TRPM3: variants seen among roughly 807,000 people sequenced by gnomAD.
TRPM3 encodes the protein long transient receptor potential channel 3.
TRPM3 carries 77 observed loss-of-function variants against 181.2 expected under a neutral mutation model. The observed-to-expected ratio is 0.42, with a 90% confidence interval of 0.35 to 0.51. The LOEUF is 0.51. Ranked by LOEUF, TRPM3 falls within the 20% of genes least tolerant of loss-of-function variation. The probability of loss-of-function intolerance (pLI) is 0.01; values close to 1 mark genes in which losing one functional copy is unlikely to be tolerated. For synonymous variants in TRPM3, 745 were observed against 796.4 expected (o/e 0.94, Z 1.09); for missense variants, 1,759 against 2,196.7 (o/e 0.80, Z 3.98).
rs1207118154 is a variant in TRPM3 at position 71,331,962 on chromosome 9, G to GGGA, written c.183+114688_183+114690dup. 4.6e-5 allele frequency among the ~76,000 whole-genome samples: 6 copies of GGGA among 130,516 alleles called. No homozygotes were observed. In the East Asian group the frequency reaches 1.4e-3, roughly 30 times the overall value. 85.6% of individuals were successfully genotyped at this position (130,516 alleles called of 152,430 possible). On this transcript the variant is annotated intron_variant, in intron 1 of 24. Transcript: ENST00000357533. ...AGGAGAAGAAGAGAAAGGTGGAGGAGGGAGGAGGAGGAGAAGGAGGAGGGT... is the reference window on the plus strand; with the variant it reads ...AGGAGAAGAAGAGAAAGGTGGAGGAGGGAGGAGGAGGAGGAGAAGGAGGAGGGT...
intron 1 of TRPM3, among the ~76,000 whole-genome samples, chr9:71,317,192 T>C (rs1421052971): frequency 6.6e-6 from 1 of 152,132 alleles, no homozygotes; most frequent in Non-Finnish European, 1.5e-5. Flanking sequence ...AATGAACACC[T>C]TAAAAAGAGA....
In TRPM3 at chr9:71,228,041, T is replaced by C. The variant is rs137930669; in HGVS notation, c.183+218612A>G. ...ACAAAGACACATCAAAAAAGAAAAC[T>C]ACAGGCCAACATCTTTGATGAACAC... On this transcript the variant is annotated intron_variant, in intron 1 of 24. Transcript: ENST00000357533. Among the ~76,000 whole-genome samples the C allele has an allele frequency of 4.0e-3, 612 of 152,204 alleles. 5 individuals carry two copies. Among genetic ancestry groups the C allele is most frequent in the Non-Finnish European group, 6.5e-3 (444 of 68,000 alleles).
At chr9:70,878,159 G>T (rs2095906785) in intron 1 of TRPM3, among the ~76,000 whole-genome samples, 1 of 151,982 alleles carries the variant, frequency 6.6e-6, no homozygotes, top group Non-Finnish European at 1.5e-5. Flanking sequence ...ATGAAAGCGG[G>T]CATGCATTTT....
intron 1 of TRPM3, among the ~76,000 whole-genome samples, chr9:71,168,953 T>C (rs2076699529): frequency 6.6e-6 from 1 of 152,124 alleles, no homozygotes; most frequent in African/African-American, 2.4e-5. Flanking sequence ...CATTTCCTCA[T>C]AATTAACAAA....
chr9:71,151,622 C>T (rs972687407), intron 1 of TRPM3, among the ~76,000 whole-genome samples: 5 of 152,040 alleles, frequency 3.3e-5, no homozygotes, highest in Non-Finnish European at 5.9e-5. Flanking sequence ...CTATAGAGTA[C>T]TCACCCATTA....
intron 1 of TRPM3, among the ~76,000 whole-genome samples, chr9:71,150,084 C>T (rs939129201): frequency 4.0e-5 from 6 of 151,236 alleles, no homozygotes; most frequent in African/African-American, 1.5e-4. Flanking sequence ...TAAGAAATAA[C>T]TGAAAAAGTT....
intron 1 of TRPM3, among the ~76,000 whole-genome samples, chr9:71,331,716 A>G (rs1217828953): frequency 3.0e-5 from 4 of 133,598 alleles, no homozygotes; most frequent in Non-Finnish European, 6.4e-5. Context: ...GAGAAAAAGG[A>G]GGAGGAAAAG....
intron 1 of TRPM3, among the ~76,000 whole-genome samples, chr9:71,140,269 G>A (rs2134535086): frequency 6.6e-6 from 1 of 152,268 alleles, no homozygotes; most frequent in East Asian, 1.9e-4. Flanking sequence ...TCTGAAAGAA[G>A]AGACTGAAAG....
intron 6 of TRPM3, among the ~76,000 whole-genome samples, chr9:70,787,763 C>CTTTTTTTTTTTTTTTTTTTTTGTTTTTTT (rs2084071076): frequency 1.0e-4 from 7 of 68,558 alleles, no homozygotes; most frequent in South Asian, 1.7e-3. Context: ...TTTTTGGATT[C>CTTTTTTTTTTTTTTTTTTTTTGTTTTTTT]TTTTTTTTTT....
At chr9:70,594,419 C>A (rs1213683863) in intron 21 of TRPM3, among the ~76,000 whole-genome samples, 1 of 152,092 alleles carries the variant, frequency 6.6e-6, no homozygotes, top group South Asian at 2.1e-4. Context: ...ATATGAAAAC[C>A]TATTTCCGAG....
At chr9:70,573,428 C>G (rs2052998863) in intron 22 of TRPM3, among the ~76,000 whole-genome samples, 1 of 152,084 alleles carries the variant, frequency 6.6e-6, no homozygotes, top group Admixed American at 6.6e-5. Flanking sequence ...TAATTATAAC[C>G]AGGTTTTTCA....
chr9:71,428,146 C>T (rs141046635), intron 1 of TRPM3, among the ~76,000 whole-genome samples: 17,998 of 151,714 alleles, frequency 0.12, 1,433 homozygotes, highest in Non-Finnish European at 0.18. Context: ...GGCTGCAGTG[C>T]AATGGTGCAA....
chr9:70,923,818 C>A (rs1213387972), intron 1 of TRPM3, among the ~76,000 whole-genome samples: 8 of 140,050 alleles, frequency 5.7e-5, no homozygotes, highest in African/African-American at 8.1e-5. Flanking sequence ...CTCTCTCTCT[C>A]TCTCTCTCTC....
At chr9:71,416,005 T>C (rs1021504189) in intron 1 of TRPM3, among the ~76,000 whole-genome samples, 1 of 149,740 alleles carries the variant, frequency 6.7e-6, no homozygotes, top group South Asian at 2.1e-4. Context: ...TGTTATAATA[T>C]TCCAATTTTT....
upstream of TRPM3, among the ~76,000 whole-genome samples, chr9:71,125,790 C>T (rs1479264638): frequency 1.3e-5 from 2 of 152,018 alleles, no homozygotes; most frequent in Non-Finnish European, 2.9e-5. Flanking sequence ...CTAGACAATA[C>T]CATTTAGGAC....
At chr9:71,004,219 C>T (rs1406462389) in intron 1 of TRPM3, among the ~76,000 whole-genome samples, 3 of 152,258 alleles carry the variant, frequency 2.0e-5, no homozygotes, top group Admixed American at 2.0e-4. Context: ...GCACAATCCA[C>T]TGAAAGGCTC....
At chr9:70,636,544 G>A (rs932813510) in intron 11 of TRPM3, among the ~76,000 whole-genome samples, 15 of 152,170 alleles carry the variant, frequency 9.9e-5, no homozygotes, top group African/African-American at 1.9e-4. Context: ...GATAAACAAT[G>A]TACAATTTTA....
intron 22 of TRPM3, among the ~76,000 whole-genome samples, chr9:70,556,520 G>A (rs546600694): frequency 9.2e-5 from 14 of 152,020 alleles, no homozygotes; most frequent in Non-Finnish European, 1.5e-4. Flanking sequence ...TCAGGAGTTC[G>A]AGACCAGCCT....
chr9:70,971,192 T>TA (rs1363417665), intron 1 of TRPM3, among the ~76,000 whole-genome samples: 1 of 152,128 alleles, frequency 6.6e-6, no homozygotes, highest in Non-Finnish European at 1.5e-5. Flanking sequence ...ATCTGTATAA[T>TA]AAAAAATCCA....
Sources: allele counts gnomAD v4.1 joint callset (sites outside exome capture counted in the v4.1 genomes callset), GRCh38; gene constraint gnomAD v4.1.1; transcripts MANE v1.5; gene names NCBI Gene and HGNC (gene_info 2026-07-23, HGNC 2026-07-21).